Variants in TASOR2 observed in about 807,000 individuals in gnomAD.
TASOR2 encodes the protein transcription activation suppressor family member 2, also known as protein TASOR 2.
In TASOR2, 84 loss-of-function variants were observed where a neutral mutation model predicts 199.5. The observed-to-expected ratio is 0.42, with a 90% CI of 0.35 to 0.50. The LOEUF is 0.50. Ranked by LOEUF, TASOR2 falls within the 20% of genes least tolerant of loss-of-function variation. The probability of loss-of-function intolerance (pLI) is 0.02; values close to 1 mark genes in which losing one functional copy is unlikely to be tolerated. For missense variants in TASOR2, 2,796 were observed against 2,835.9 expected (o/e 0.99, Z 0.32); for synonymous variants, 1,103 against 1,046.6 (o/e 1.05, Z -1.04).
At chr10:5,757,335 C>G (rs978632396) in intron 16 of TASOR2, among the ~76,000 whole-genome samples, 185 bp from the exon 18 acceptor site, 1 of 152,152 alleles carries the variant, frequency 6.6e-6, no homozygotes, top group African/African-American at 2.4e-5. Context: ...GAGTTTGCAG[C>G]CCCTGGTGAT....
At chr10:5,758,574 C>T (rs141621436) in intron 17 of TASOR2, among the ~76,000 whole-genome samples, 2 of 152,322 alleles carry the variant, frequency 1.3e-5, no homozygotes, top group Admixed American at 6.5e-5. Context: ...CTTCATTTCT[C>T]TACTGCATCG....
In TASOR2 at chr10:5,688,395, A is replaced by ATTT. The variant is rs34362647; in HGVS notation, c.-288+3243_-288+3245dup. On this transcript the variant is annotated intron_variant, in intron 1 of 20. Transcript: ENST00000328090. Reference sequence around the variant, plus strand: ...CACCACCAGGCCCAGCTAATTTTTAATTTTTTTTTTTTTTTTTTTTTTTTT... The same window carrying ATTT: ...CACCACCAGGCCCAGCTAATTTTTAATTTTTTTTTTTTTTTTTTTTTTTTTTTT... 5.3e-3 allele frequency among the ~76,000 whole-genome samples: 527 copies of ATTT among 99,866 alleles called. 1 individual carries two copies. Among genetic ancestry groups the ATTT allele is most frequent in the African/African-American group, 8.0e-3 (194 of 24,368 alleles). 65.5% of individuals were successfully genotyped at this position (99,866 alleles called of 152,430 possible). A position where few individuals can be genotyped will look rare whatever the true frequency, so the allele number is the denominator to read the frequency against.
chr10:5,687,775 GTCA>G lies in TASOR2; in HGVS notation c.-288+2601_-288+2603del, dbSNP rs1271896104. Among the ~76,000 whole-genome samples the G allele has an allele frequency of 1.3e-5, 2 of 152,248 alleles. No individual in the cohort carries two copies. Among genetic ancestry groups the G allele is most frequent in the African/African-American group, 4.8e-5 (2 of 41,474 alleles). On this transcript the variant is annotated intron_variant, in intron 1 of 20. Transcript: ENST00000328090. This position sits in a 1 kb window ranked among gnomAD's most constrained non-coding sequence, Gnocchi z 4.8. ...ACAGGTTGCAGTGAGCCAAGGTTGT[GTCA>G]CTCTACGGCAGCCTGGGTGACAGAG...
rs577418779 is a variant in TASOR2 at position 5,756,597 on chromosome 10, T to C, written c.6607-16T>C. The stretch of plus-strand genomic sequence containing the variant: ...AGTACCCTTTTTTTAATAATGGCTA[T>C]TTGTAAATCTTTCAGAACCTTCTGA... On this transcript the variant is annotated splice_polypyrimidine_tract_variant and intron_variant, in intron 15 of 20. Transcript: ENST00000328090. The C allele has an allele frequency of 6.2e-7, 1 of 1,610,952 alleles. No individual in the cohort carries two copies. The highest frequency in any genetic ancestry group is 1.3e-5 in the African/African-American group (1 of 74,856).
rs1212299952 is a variant in TASOR2 at position 5,737,033 on chromosome 10, C to G, written c.1447+1487C>G. Reference sequence around the variant, plus strand: ...GGAGTGCAGTAGCACGATCTCGGCTCACTGCAACCTCTGCCTCCCAGGTTC... The same window carrying G: ...GGAGTGCAGTAGCACGATCTCGGCTGACTGCAACCTCTGCCTCCCAGGTTC... On this transcript the variant is annotated intron_variant, in intron 12 of 20. Transcript: ENST00000328090. This position sits in a 1 kb window ranked among gnomAD's most constrained non-coding sequence, Gnocchi z 4.9. 1.3e-5 allele frequency among the ~76,000 whole-genome samples: 2 copies of G among 152,186 alleles called. No homozygotes were observed. The highest frequency in any genetic ancestry group is 2.4e-5 in the African/African-American group (1 of 41,444).
chr10:5,760,622 G>A (rs920227420), intron 18 of TASOR2, among the ~76,000 whole-genome samples: 3 of 152,068 alleles, frequency 2.0e-5, no homozygotes, highest in African/African-American at 7.2e-5. Flanking sequence ...AAAGAGGGAT[G>A]GCATAAAAGT....
rs575235665 is a variant in TASOR2 at position 5,761,248 on chromosome 10, A to G, written c.6993-42A>G. On this transcript the variant is annotated intron_variant, in intron 18 of 20. Coordinates refer to ENST00000328090, the Ensembl canonical transcript of TASOR2. ...GAAGGCAAGAAAAAGTCCTAAGAAT[A>G]AAACTGAAAAATATTTTAATATGCC... is the stretch of plus-strand genomic sequence containing the variant. The G allele has an allele frequency of 2.8e-5, 43 of 1,548,928 alleles. No individual in the cohort carries two copies. In the South Asian group the frequency reaches 4.8e-4, roughly 17 times the overall value.
chr10:5,714,207 G>C, intron 2 of TASOR2: 1 of 1,231,492 alleles, frequency 8.1e-7, no homozygotes, highest in Non-Finnish European at 1.0e-6. Flanking sequence ...TCCAGCCAAA[G>C]GTAAGTCCGT....
intron 1 of TASOR2, among the ~76,000 whole-genome samples, chr10:5,696,309 A>T (rs1837149306): frequency 6.6e-6 from 1 of 152,208 alleles, no homozygotes; most frequent in African/African-American, 2.4e-5. Flanking sequence ...CCTGGAGAGT[A>T]CAGCCGCTGG....
rs943659779 is a variant in TASOR2, at chr10:5,701,151, T to C, written c.-287-11672T>C. On this transcript the variant is annotated intron_variant, in intron 1 of 20. Transcript: ENST00000328090. This position sits in a 1 kb window ranked among gnomAD's most constrained non-coding sequence, Gnocchi z 4.9. ...GCTTAGATGTAAGTCTTAAATCCAT[T>C]TTGATTTGAATTTTGTATATGGTCA... Among the ~76,000 whole-genome samples the C allele has an allele frequency of 4.6e-5, 7 of 152,100 alleles. No individual in the cohort carries two copies. The highest frequency in any genetic ancestry group is 1.7e-4 in the African/African-American group (7 of 41,420).
At chr10:5,724,692 T>C (rs1251309355) in intron 8 of TASOR2, among the ~76,000 whole-genome samples, 159 bp downstream of exon 9, 1 of 149,192 alleles carries the variant, frequency 6.7e-6, no homozygotes, top group East Asian at 1.9e-4. Context: ...GATATAGATA[T>C]ATATTAGTTG....
In TASOR2 at chr10:5,684,905, G is replaced by A. The variant is rs1226294355; in HGVS notation, c.-558G>A. On this transcript the variant is annotated 5_prime_UTR_variant, in exon 1 of 21. Transcript: ENST00000328090. ...TCTCGCAGGCTGCCGGGCGTCCCGG[G>A]GTTGCCTCTTGCCCGTGACCCTGAC... The A allele has an allele frequency of 1.0e-5, 4 of 398,034 alleles. No individual in the cohort carries two copies. In the Admixed American group the frequency reaches 1.3e-4, roughly 13 times the overall value. The allele number at this position is 398,034 out of a possible 1,614,324, so 24.7% of individuals were successfully genotyped here. A position where few individuals can be genotyped will look rare whatever the true frequency, so the allele number is the denominator to read the frequency against.
Position 5,690,727 on chromosome 10 carries a change from A to G in TASOR2, c.-288+5552A>G, listed in dbSNP as rs1836323520. On this transcript the variant is annotated intron_variant, in intron 1 of 20. Coordinates refer to ENST00000328090, the Ensembl canonical transcript of TASOR2. This position sits in a 1 kb window ranked among gnomAD's most constrained non-coding sequence, Gnocchi z 4.8. ...CTACTTAACAGTGTGTATCCTTGCA[A>G]TAAGTATATTAATGAATACGATACA... is the stretch of plus-strand genomic sequence containing the variant. Among the ~76,000 whole-genome samples, 1 of 152,224 alleles carries G rather than the reference A, an allele frequency of 6.6e-6. No individual in the cohort carries two copies. The highest frequency in any genetic ancestry group is 2.1e-4 in the South Asian group (1 of 4,836).
At chr10:5,715,772 A>G (rs1465263860) in intron 2 of TASOR2, among the ~76,000 whole-genome samples, 1 of 152,072 alleles carries the variant, frequency 6.6e-6, no homozygotes. Context: ...CCTCCTGAGT[A>G]GCTGAGATTA....
intron 11 of TASOR2, among the ~76,000 whole-genome samples, chr10:5,731,493 G>T (rs968777214): frequency 6.6e-6 from 1 of 152,168 alleles, no homozygotes; most frequent in Non-Finnish European, 1.5e-5. Context: ...ACGCCATTGC[G>T]CTCCCGCCTG....
chr10:5,757,581 C>T (rs1300553317), exon 17 of TASOR2: 1 of 1,613,454 alleles, frequency 6.2e-7, no homozygotes, highest in Non-Finnish European at 8.5e-7. Flanking sequence ...GTAGACAGCC[C>T]TGGAGATGTT....
intron 1 of TASOR2, among the ~76,000 whole-genome samples, chr10:5,709,166 T>C (rs1193072150): frequency 6.6e-6 from 1 of 152,172 alleles, no homozygotes; most frequent in African/African-American, 2.4e-5. Context: ...AGGAGAGAGA[T>C]TTTTGTAAAT....
At chr10:5,709,792 A>G (rs904875116) in intron 1 of TASOR2, 4 of 814,462 alleles carry the variant, frequency 4.9e-6, no homozygotes, top group Non-Finnish European at 4.9e-6. Flanking sequence ...TCCAGTACCT[A>G]TATTTTTTAA....
At chr10:5,729,203 G>C (rs190152084) in intron 10 of TASOR2, among the ~76,000 whole-genome samples, 111 of 152,226 alleles carry the variant, frequency 7.3e-4, no homozygotes, top group African/African-American at 2.5e-3. Flanking sequence ...ACAAAAATTA[G>C]TTAGGTGTGG....
Sources: gnomAD v4.1 joint callset for allele counts (sites outside exome capture counted in the v4.1 genomes callset) on GRCh38, gnomAD v4.1.1 for gene constraint, Gnocchi (gnomAD v3.1) non-coding constraint, MANE v1.5 for transcripts, NCBI Gene and HGNC (gene_info 2026-07-23, HGNC 2026-07-21) for gene names.